The following ADGRL2 variants were observed in gnomAD, a reference collection of about 807,000 sequenced individuals.
ADGRL2 encodes the protein adhesion G protein-coupled receptor L2, also known as calcium-independent alpha-latrotoxin receptor 2.
A neutral mutation model predicts 157.4 loss-of-function variants in ADGRL2; 44 were observed. That is an observed-to-expected ratio of 0.28 (90% CI 0.22 to 0.36). ADGRL2 has a LOEUF of 0.36. Among genes scored for constraint, ADGRL2 ranks in the 10% least tolerant of loss-of-function variants. ADGRL2 has a pLI of 1.00. For missense variants in ADGRL2, 1,510 were observed against 1,768.9 expected, an observed-to-expected ratio of 0.85 and a Z score of 2.63; for synonymous variants, 585 against 624.7, an observed-to-expected ratio of 0.94 and a Z score of 0.95.
intron 1 of ADGRL2, among the ~76,000 whole-genome samples, chr1:81,833,911 T>G (rs1398929576): frequency 6.6e-6 from 1 of 151,946 alleles, no homozygotes; most frequent in South Asian, 2.1e-4. Flanking sequence ...GATACTTAGA[T>G]CAAAAAAAAT....
intron 1 of ADGRL2, among the ~76,000 whole-genome samples, chr1:81,813,601 G>A (rs186392353): frequency 2.6e-5 from 4 of 151,670 alleles, no homozygotes; most frequent in East Asian, 1.9e-4. Context: ...ATTAGCAACA[G>A]CAATTATATT....
At chr1:81,344,017 C>G (rs909615500) in intron 1 of ADGRL2, among the ~76,000 whole-genome samples, 14 of 152,050 alleles carry the variant, frequency 9.2e-5, no homozygotes, top group African/African-American at 3.4e-4. Flanking sequence ...TGTCAATAAT[C>G]TGGTTTATGG....
At chr1:81,746,733 AAC>A (rs1005773356) in intron 1 of ADGRL2, among the ~76,000 whole-genome samples, 1 of 151,962 alleles carries the variant, frequency 6.6e-6, no homozygotes, top group Non-Finnish European at 1.5e-5. Flanking sequence ...TAATTACTAA[AAC>A]AATATTATTG....
intron 1 of ADGRL2, among the ~76,000 whole-genome samples, chr1:81,346,189 A>G (rs1039966059): frequency 6.6e-6 from 1 of 152,186 alleles, no homozygotes; most frequent in African/African-American, 2.4e-5. Context: ...ACATGAGAAT[A>G]AAATACTTTC....
At chr1:81,573,646 C>T (rs2080739955) in intron 2 of ADGRL2, among the ~76,000 whole-genome samples, 1 of 152,156 alleles carries the variant, frequency 6.6e-6, no homozygotes, top group South Asian at 2.1e-4. Context: ...CCAGTTTCCT[C>T]TCTACTGGCT....
At chr1:81,340,760 G>C (rs1212137942) in intron 1 of ADGRL2, among the ~76,000 whole-genome samples, 1 of 152,068 alleles carries the variant, frequency 6.6e-6, no homozygotes, top group Non-Finnish European at 1.5e-5. Flanking sequence ...AGTGAGACAG[G>C]AGAGGAAATG....
chr1:81,456,282 T>C (rs6667452), intron 2 of ADGRL2, among the ~76,000 whole-genome samples: 14,381 of 152,190 alleles, frequency 0.094, 769 homozygotes, highest in African/African-American at 0.14. Flanking sequence ...TGCAGTGACA[T>C]TATCATAGCT....
chr1:81,983,745 G>C (rs1019425387), intron 19 of ADGRL2, among the ~76,000 whole-genome samples: 6 of 152,056 alleles, frequency 3.9e-5, no homozygotes, highest in African/African-American at 1.4e-4. Flanking sequence ...CTGTACCACT[G>C]CTTTAGATGG....
intron 1 of ADGRL2, among the ~76,000 whole-genome samples, chr1:81,339,419 C>T (rs1183758636): frequency 6.6e-6 from 1 of 152,196 alleles, no homozygotes; most frequent in East Asian, 1.9e-4. Context: ...GTACTTGCTT[C>T]ATTTGCATCT....
intron 2 of ADGRL2, among the ~76,000 whole-genome samples, chr1:81,772,284 T>G (rs1242738153): frequency 6.6e-6 from 1 of 152,044 alleles, no homozygotes; most frequent in Non-Finnish European, 1.5e-5. Context: ...CTTTAGTGTT[T>G]AATTTCATTG....
At chr1:81,842,288 C>A (rs541701951) in intron 2 of ADGRL2, among the ~76,000 whole-genome samples, 1 of 150,474 alleles carries the variant, frequency 6.6e-6, no homozygotes, top group Non-Finnish European at 1.5e-5. Flanking sequence ...GTTCTTTATT[C>A]CCCTGATTAG....
intron 2 of ADGRL2, among the ~76,000 whole-genome samples, chr1:81,504,311 A>C (rs1350540366): frequency 6.6e-6 from 1 of 151,714 alleles, no homozygotes; most frequent in African/African-American, 2.4e-5. Context: ...AGCCTTCTTC[A>C]GCCTTCTTCA....
chr1:81,718,779 T>A (rs894572478), intron 1 of ADGRL2, among the ~76,000 whole-genome samples: 2 of 152,186 alleles, frequency 1.3e-5, no homozygotes, highest in African/African-American at 2.4e-5. Context: ...AAGAAAAGTG[T>A]GAATTTGAGC....
At chr1:81,859,220 A>G (rs888370152) in intron 2 of ADGRL2, among the ~76,000 whole-genome samples, 1 of 152,156 alleles carries the variant, frequency 6.6e-6, no homozygotes, top group African/African-American at 2.4e-5. Flanking sequence ...CAGTTCTAAC[A>G]TGATTTTGTA....
At chr1:81,496,565 C>A (rs190789830) in intron 2 of ADGRL2, among the ~76,000 whole-genome samples, 8 of 151,098 alleles carry the variant, frequency 5.3e-5, no homozygotes, top group Admixed American at 5.3e-4. Flanking sequence ...GCCTGGGCAA[C>A]AAATGTGGTA....
At chr1:81,952,236 G>A (rs1652073757) in intron 9 of ADGRL2, 94 bp downstream of exon 9, 2 of 1,014,878 alleles carry the variant, frequency 2.0e-6, no homozygotes, top group East Asian at 2.8e-5. Flanking sequence ...TTTGGCCCCG[G>A]GACATATACT....
intron 1 of ADGRL2, among the ~76,000 whole-genome samples, chr1:81,334,907 A>C (rs1174437359): frequency 6.6e-6 from 1 of 152,214 alleles, no homozygotes; most frequent in Non-Finnish European, 1.5e-5. Flanking sequence ...TTCAGGAAAA[A>C]AGAAATAAAG....
intron 2 of ADGRL2, among the ~76,000 whole-genome samples, chr1:81,483,428 T>A (rs2078433406): frequency 6.6e-6 from 1 of 152,214 alleles, no homozygotes; most frequent in East Asian, 1.9e-4. Flanking sequence ...ATATTCCTGT[T>A]CCTGGATTAA....
intron 1 of ADGRL2, among the ~76,000 whole-genome samples, chr1:81,812,434 CA>C (rs1036793145): frequency 1.3e-5 from 2 of 151,590 alleles, no homozygotes; most frequent in Admixed American, 1.3e-4. Flanking sequence ...TGTGCCTTAT[CA>C]TTTCCTTTAT....
Sources: gnomAD v4.1 joint callset for allele counts (sites outside exome capture counted in the v4.1 genomes callset) on GRCh38, gnomAD v4.1.1 for gene constraint, MANE v1.5 for transcripts, NCBI Gene and HGNC (gene_info 2026-07-23, HGNC 2026-07-21) for gene names.